ZFHX3: variants seen among roughly 807,000 people sequenced by gnomAD.
ZFHX3 encodes zinc finger homeobox protein 3.
In ZFHX3, 42 loss-of-function variants were observed where a neutral mutation model predicts 279.1. The ratio of observed to expected loss-of-function variants is 0.15; its 90% CI spans 0.12 to 0.19. The LOEUF (loss-of-function observed/expected upper bound fraction) is 0.19, where lower values mean the gene tolerates loss of function less well. ZFHX3 is among the 10% of genes least tolerant of loss of function. The probability of loss-of-function intolerance (pLI) is 1.00; values close to 1 mark genes in which losing one functional copy is unlikely to be tolerated. For missense variants in ZFHX3, 4,981 were observed against 4,754.0 expected, an observed-to-expected ratio of 1.05 and a Z score of -1.40; for synonymous variants, 2,293 against 1,957.8, an observed-to-expected ratio of 1.17 and a Z score of -4.52.
At chr16:73,821,598 C>A (rs1300042464) in intron 1 of ZFHX3, among the ~76,000 whole-genome samples, 1 of 152,240 alleles carries the variant, frequency 6.6e-6, no homozygotes, top group Non-Finnish European at 1.5e-5. Context: ...TGCTGGCACA[C>A]AGAGGCACTT....
chr16:73,598,430 T>C (rs2052075490), intron 2 of ZFHX3, among the ~76,000 whole-genome samples: 1 of 151,890 alleles, frequency 6.6e-6, no homozygotes, highest in African/African-American at 2.4e-5. Context: ...TATCTTTTTT[T>C]TTTTTTTGAC....
At chr16:73,275,284 GT>G (rs2014264113) in intron 4 of ZFHX3, among the ~76,000 whole-genome samples, 1 of 152,138 alleles carries the variant, frequency 6.6e-6, no homozygotes, top group Non-Finnish European at 1.5e-5. Flanking sequence ...AACAGAGGGG[GT>G]GAGTCAATGT....
chr16:73,533,757 A>T (rs562518561), intron 2 of ZFHX3, among the ~76,000 whole-genome samples: 1 of 152,258 alleles, frequency 6.6e-6, no homozygotes, highest in East Asian at 1.9e-4. Flanking sequence ...TGCTCAAGAA[A>T]AAAGTACTGG....
intron 4 of ZFHX3, among the ~76,000 whole-genome samples, chr16:72,869,223 G>A (rs923312130): frequency 1.3e-5 from 2 of 152,156 alleles, no homozygotes; most frequent in African/African-American, 2.4e-5. Flanking sequence ...CTAGAAACAC[G>A]AAACAGCAAG....
At chr16:73,354,679 T>G (rs992175354) in intron 3 of ZFHX3, among the ~76,000 whole-genome samples, 2 of 148,998 alleles carry the variant, frequency 1.3e-5, no homozygotes, top group African/African-American at 5.1e-5. Flanking sequence ...CACAGCTGCC[T>G]GGCAGCCAGA....
At chr16:73,803,733 C>G (rs542420099) in intron 1 of ZFHX3, among the ~76,000 whole-genome samples, 2 of 152,110 alleles carry the variant, frequency 1.3e-5, no homozygotes, top group African/African-American at 4.8e-5. Flanking sequence ...GTTCTTTATA[C>G]GTTAGTAAGT....
At chr16:73,818,290 G>A (rs1481965710) in intron 1 of ZFHX3, among the ~76,000 whole-genome samples, 1 of 152,132 alleles carries the variant, frequency 6.6e-6, no homozygotes, top group African/African-American at 2.4e-5. Flanking sequence ...TTGTAAGGGG[G>A]GAAAAAGGGA....
intron 4 of ZFHX3, among the ~76,000 whole-genome samples, chr16:72,855,078 C>T (rs1358129617): frequency 6.6e-6 from 1 of 152,146 alleles, no homozygotes; most frequent in Non-Finnish European, 1.5e-5. Context: ...AGAGAGAGGG[C>T]TGGGGCAGAT....
intron 2 of ZFHX3, among the ~76,000 whole-genome samples, chr16:73,624,002 A>G (rs2052392861): frequency 6.6e-6 from 1 of 152,220 alleles, no homozygotes; most frequent in Non-Finnish European, 1.5e-5. Flanking sequence ...TCCCCTTTGC[A>G]AAGTGACAGC....
intron 6 of ZFHX3, among the ~76,000 whole-genome samples, chr16:73,136,884 T>C (rs1000213864): frequency 2.7e-4 from 41 of 151,492 alleles, no homozygotes; most frequent in African/African-American, 9.9e-4. Flanking sequence ...GTGATTTGCA[T>C]ACTTGTGTAG....
intron 2 of ZFHX3, among the ~76,000 whole-genome samples, chr16:73,492,893 A>G (rs1597356932): frequency 6.6e-6 from 1 of 152,308 alleles, no homozygotes; most frequent in East Asian, 1.9e-4. Context: ...TGACTGTATT[A>G]TTTCTCACTG....
intron 3 of ZFHX3, among the ~76,000 whole-genome samples, chr16:72,938,629 A>G (rs1960246633): frequency 6.6e-6 from 1 of 152,208 alleles, no homozygotes; most frequent in Non-Finnish European, 1.5e-5. Flanking sequence ...ACCACCTCAG[A>G]GCAAATCGGC....
chr16:73,148,926 G>A (rs988564870), intron 5 of ZFHX3, among the ~76,000 whole-genome samples: 32 of 151,644 alleles, frequency 2.1e-4, no homozygotes, highest in Non-Finnish European at 3.7e-4. Flanking sequence ...CAGCCTAGGC[G>A]ACAGAGCAAG....
chr16:73,382,866 A>T (rs1474201653), intron 3 of ZFHX3, among the ~76,000 whole-genome samples: 1 of 152,170 alleles, frequency 6.6e-6, no homozygotes, highest in African/African-American at 2.4e-5. Context: ...ACCCCTGAGA[A>T]ATCCTGCCAT....
intron 1 of ZFHX3, among the ~76,000 whole-genome samples, chr16:73,693,896 A>T (rs2053171675): frequency 6.6e-6 from 1 of 152,186 alleles, no homozygotes; most frequent in Non-Finnish European, 1.5e-5. Flanking sequence ...GAAGAAACAA[A>T]ACTATTCAAG....
intron 1 of ZFHX3, among the ~76,000 whole-genome samples, chr16:73,830,059 T>A (rs1393976496): frequency 7.9e-6 from 1 of 126,796 alleles, no homozygotes; most frequent in African/African-American, 3.0e-5. Flanking sequence ...TCAGCGAGAT[T>A]CCGTGGGTGT....
intron 1 of ZFHX3, among the ~76,000 whole-genome samples, chr16:73,818,291 GA>G (rs965303686): frequency 1.1e-4 from 16 of 152,150 alleles, no homozygotes; most frequent in Non-Finnish European, 1.5e-4. Flanking sequence ...TGTAAGGGGG[GA>G]AAAAGGGAAA....
intron 2 of ZFHX3, among the ~76,000 whole-genome samples, chr16:73,542,947 C>T (rs1468805569): frequency 6.6e-6 from 1 of 152,118 alleles, no homozygotes; most frequent in South Asian, 2.1e-4. Flanking sequence ...ACCCCTGGCT[C>T]CTTGCTTGGA....
chr16:73,659,974 T>C (rs1476897724), intron 2 of ZFHX3, among the ~76,000 whole-genome samples: 1 of 152,216 alleles, frequency 6.6e-6, no homozygotes, highest in East Asian at 1.9e-4. Context: ...TCCTAAGCTC[T>C]CTTTGCATTA....
Sources: gnomAD v4.1 joint callset for allele counts (sites outside exome capture counted in the v4.1 genomes callset) on GRCh38, gnomAD v4.1.1 for gene constraint, MANE v1.5 for transcripts, NCBI Gene and HGNC (gene_info 2026-07-23, HGNC 2026-07-21) for gene names.